Variants in EXT1 observed in about 807,000 individuals in gnomAD.
EXT1 encodes exostosin-1.
EXT1 carries 20 observed loss-of-function variants against 82.5 expected under a neutral mutation model. The observed-to-expected ratio is 0.24, with a 90% CI of 0.17 to 0.35. The LOEUF is 0.35. EXT1 is among the 10% of genes least tolerant of loss of function. The probability of loss-of-function intolerance (pLI) is 1.00; values close to 1 mark genes in which losing one functional copy is unlikely to be tolerated. For synonymous variants in EXT1, 348 were observed against 350.8 expected (o/e 0.99, Z 0.09); for missense variants, 757 against 936.5 (o/e 0.81, Z 2.50).
intron 1 of EXT1, among the ~76,000 whole-genome samples, chr8:117,989,659 C>G (rs371186830): frequency 1.3e-5 from 2 of 152,034 alleles, no homozygotes; most frequent in South Asian, 2.1e-4. Context: ...CTCAGCCACT[C>G]AAAAGAAAAA....
intron 1 of EXT1, among the ~76,000 whole-genome samples, chr8:117,919,193 G>GT (rs567759596): frequency 0.029 from 4,205 of 145,660 alleles, 146 homozygotes; most frequent in East Asian, 0.1. Context: ...CATCTGAGGT[G>GT]TTTTTTTTTT....
intron 9 of EXT1, among the ~76,000 whole-genome samples, chr8:117,805,341 T>G (rs1823220962): frequency 6.6e-6 from 1 of 152,220 alleles, no homozygotes; most frequent in Non-Finnish European, 1.5e-5. Context: ...TAATCAGAAC[T>G]GTATTTAATA....
rs752137032 is a variant in EXT1 at position 118,110,563 on chromosome 8, C to T, written c.484G>A (p.Asp162Asn). ...CLFVLSLDTL[D>N]RDQLSPQYVH... Reference sequence around the variant, plus strand: ...TACTGAGGTGACAACTGGTCTCTGTCTAAAGTATCCAGACTCAGGACAAAG... The same window carrying T: ...TACTGAGGTGACAACTGGTCTCTGTTTAAAGTATCCAGACTCAGGACAAAG... Residue 162 changes from aspartate (D) to asparagine (N), a missense_variant, in exon 1 of 11, where the codon GAC becomes AAC. By Grantham distance (23) the Asp-to-Asn change is conservative (BLOSUM62 1). Transcript: ENST00000378204. The T allele has an allele frequency of 5.6e-6, 9 of 1,614,080 alleles. No homozygotes were observed.
intron 1 of EXT1, among the ~76,000 whole-genome samples, chr8:117,948,183 A>G (rs1429866985): frequency 1.3e-5 from 2 of 152,160 alleles, no homozygotes; most frequent in Non-Finnish European, 2.9e-5. Context: ...TAAATACATT[A>G]TAGTAAGAAG....
chr8:117,850,624 AT>A (rs2129828310), intron 1 of EXT1, among the ~76,000 whole-genome samples: 1 of 152,368 alleles, frequency 6.6e-6, no homozygotes, highest in East Asian at 1.9e-4. Flanking sequence ...TTGCAAAACC[AT>A]TTCCAAAGCC....
chr8:117,816,543 TGCCCAAGGTGGAG>T (rs1334355334), intron 7 of EXT1, among the ~76,000 whole-genome samples: 2 of 152,172 alleles, frequency 1.3e-5, no homozygotes, highest in Non-Finnish European at 2.9e-5. Context: ...CTGGATTCAG[TGCCCAAGGTGGAG>T]GCAAGGACTG....
chr8:117,935,985 C>T (rs1367777891), intron 1 of EXT1, among the ~76,000 whole-genome samples: 1 of 152,142 alleles, frequency 6.6e-6, no homozygotes. Context: ...AAAATCTTGC[C>T]TTCATCTGTA....
chr8:118,058,383 G>C (rs531151027), intron 1 of EXT1, among the ~76,000 whole-genome samples: 3 of 152,264 alleles, frequency 2.0e-5, no homozygotes, highest in South Asian at 4.1e-4. Flanking sequence ...AAAATTACAA[G>C]TATGTTTCCT....
At chr8:117,806,542 A>G (rs1254944128) in intron 9 of EXT1, among the ~76,000 whole-genome samples, 3 of 151,706 alleles carry the variant, frequency 2.0e-5, no homozygotes, top group Admixed American at 2.0e-4. Context: ...CACCCATTCC[A>G]CCCAGTCACA....
intron 1 of EXT1, among the ~76,000 whole-genome samples, chr8:117,858,861 G>GA (rs57496478): frequency 1.7e-5 from 1 of 60,396 alleles, no homozygotes; most frequent in Non-Finnish European, 4.0e-5. Context: ...AAGAAAGAAA[G>GA]AAAGAAAGAA....
chr8:117,801,230 T>C (rs552033700), intron 10 of EXT1, among the ~76,000 whole-genome samples: 105 of 152,364 alleles, frequency 6.9e-4, no homozygotes, highest in African/African-American at 2.4e-3. Context: ...ATGGAGTTCA[T>C]TTGAATCTCA....
Position 117,912,922 on chromosome 8 carries a change from C to A in EXT1, c.963-75721G>T, listed in dbSNP as rs1208905323. On this transcript the variant is annotated intron_variant, in intron 1 of 10. Transcript: ENST00000378204. ...TGTGATAGAGCTAACAATGGGACAA[C>A]TGAGCATTTCTTAAAATGTGGCCGC... Among the ~76,000 whole-genome samples, 5 of 152,274 alleles carry A rather than the reference C, an allele frequency of 3.3e-5. No homozygotes were observed. In the East Asian group the frequency reaches 9.7e-4, roughly 29 times the overall value.
chr8:117,900,157 G>A (rs940550080), intron 1 of EXT1, among the ~76,000 whole-genome samples: 6 of 152,166 alleles, frequency 3.9e-5, no homozygotes, highest in African/African-American at 1.4e-4. Context: ...TGGGAGCCCA[G>A]AGCAGAAAAG....
chr8:118,088,523 G>T (rs1043330352), intron 1 of EXT1, among the ~76,000 whole-genome samples: 5 of 151,656 alleles, frequency 3.3e-5, no homozygotes. Flanking sequence ...GGGAAGAAAG[G>T]GGGGAGACCT....
rs528751930 is a variant in EXT1 at position 117,875,564 on chromosome 8, A to T, written c.963-38363T>A. ...TAACAGGTGTAATTTCAGAGCCCCA[A>T]CTGCTAATTCCACATGCAAAATTGT... On this transcript the variant is annotated intron_variant, in intron 1 of 10. Coordinates refer to ENST00000378204, the MANE Select transcript of EXT1 (RefSeq NM_000127.3). Among the ~76,000 whole-genome samples, 248 of 152,280 alleles carry T rather than the reference A, an allele frequency of 1.6e-3. 1 individual carries two copies. Among genetic ancestry groups the T allele is most frequent in the Non-Finnish European group, 2.6e-3 (177 of 68,020 alleles).
At chr8:117,809,233 ATATATATATATT>A (rs1003445118) in intron 8 of EXT1, among the ~76,000 whole-genome samples, 7 of 135,792 alleles carry the variant, frequency 5.2e-5, no homozygotes, top group Admixed American at 7.8e-5. Flanking sequence ...ATATATATAT[ATATATATATATT>A]ATGTTCTATT....
At chr8:117,837,352 G>C in intron 1 of EXT1, 151 bp from the exon 2 acceptor site, 1 of 705,942 alleles carries the variant, frequency 1.4e-6, no homozygotes, top group Non-Finnish European at 2.6e-6. Context: ...TTTGAGGAAG[G>C]AGGTTGGGTT....
chr8:117,934,798 C>T (rs542593557), intron 1 of EXT1, among the ~76,000 whole-genome samples: 245 of 152,254 alleles, frequency 1.6e-3, no homozygotes, highest in Middle Eastern at 6.8e-3. Context: ...CTTTTATGTA[C>T]GTATTTTTTT....
chr8:117,949,701 A>G (rs555751036), intron 1 of EXT1, among the ~76,000 whole-genome samples: 1 of 152,242 alleles, frequency 6.6e-6, no homozygotes, highest in African/African-American at 2.4e-5. Context: ...GGTAATAAAG[A>G]GACATCTTAC....
Sources: allele counts gnomAD v4.1 joint callset (sites outside exome capture counted in the v4.1 genomes callset), GRCh38; gene constraint gnomAD v4.1.1; transcripts MANE v1.5; gene names NCBI Gene and HGNC (gene_info 2026-07-23, HGNC 2026-07-21).